Variants in STAM2 observed in about 807,000 individuals in gnomAD.
STAM2 encodes signal transducing adapter molecule 2.
In STAM2, 51 loss-of-function variants were observed where a neutral mutation model predicts 65.6. The observed-to-expected ratio is 0.78, with a 90% CI of 0.62 to 0.98. The LOEUF (loss-of-function observed/expected upper bound fraction) is 0.98, where lower values mean the gene tolerates loss of function less well. Ranked by LOEUF, STAM2 falls within the 50% of genes least tolerant of loss-of-function variation. The pLI is 0.00. For synonymous variants in STAM2, 198 were observed against 208.4 expected (o/e 0.95, Z 0.43); for missense variants, 584 against 617.8 (o/e 0.95, Z 0.58).
intron 7 of STAM2, among the ~76,000 whole-genome samples, chr2:152,140,999 C>A (rs534362706): frequency 5.7e-4 from 86 of 151,846 alleles, no homozygotes; most frequent in Admixed American, 1.0e-3. Flanking sequence ...ATTAGCCGGG[C>A]ATGGTGGTGC....
chr2:152,159,120 G>GAT (rs1560221639), intron 1 of STAM2, among the ~76,000 whole-genome samples: 1 of 81,108 alleles, frequency 1.2e-5, no homozygotes, highest in African/African-American at 6.3e-5. Context: ...TACACACACA[G>GAT]ATATATATAA....
chr2:152,117,598 T>C lies in STAM2; in HGVS notation c.*2976A>G, dbSNP rs964747064. 1 of 152,180 alleles carries C rather than the reference T, an allele frequency of 6.6e-6. No individual in the cohort carries two copies. The highest frequency in any genetic ancestry group is 1.5e-5 in the Non-Finnish European group (1 of 68,022). The allele number at this position is 152,180 out of a possible 1,614,324, so 9.4% of individuals were successfully genotyped here. A position where few individuals can be genotyped will look rare whatever the true frequency, so the allele number is the denominator to read the frequency against. The stretch of plus-strand genomic sequence containing the variant: ...TGAAAGAAGAAAAAGTACCTTCCGA[T>C]AGAAATAAAGCATTATAGATCAGTG... On this transcript the variant is annotated 3_prime_UTR_variant, in exon 14 of 14. Transcript: ENST00000263904.
At chr2:152,170,296 A>G (rs1456219000) in intron 1 of STAM2, among the ~76,000 whole-genome samples, 1 of 151,562 alleles carries the variant, frequency 6.6e-6, no homozygotes, top group Non-Finnish European at 1.5e-5. Context: ...CCTGGCCAAC[A>G]TGTGAAACCC....
chr2:152,142,888 A>T lies in STAM2; in HGVS notation c.704+939T>A, dbSNP rs1009642658. 2.6e-5 allele frequency among the ~76,000 whole-genome samples: 4 copies of T among 152,274 alleles called. No individual in the cohort carries two copies. In the South Asian group the frequency reaches 8.3e-4, roughly 32 times the overall value. ...AACTTCTTGCAAAATTTTTTATCTT[A>T]TCAAAACCAATCAAGATACACACCT... On this transcript the variant is annotated intron_variant, in intron 7 of 13. Coordinates refer to ENST00000263904, the MANE Select transcript of STAM2 (RefSeq NM_005843.6).
At chr2:152,170,733 C>G (rs560570893) in intron 1 of STAM2, among the ~76,000 whole-genome samples, 6 of 151,928 alleles carry the variant, frequency 3.9e-5, no homozygotes. Flanking sequence ...CGGTGGCTCA[C>G]GCCTGTAATC....
chr2:152,173,377 T>A (rs945011744), intron 1 of STAM2, among the ~76,000 whole-genome samples: 2 of 147,582 alleles, frequency 1.4e-5, no homozygotes, highest in African/African-American at 2.5e-5. Flanking sequence ...TATATACATA[T>A]ATATATATAT....
In STAM2 at chr2:152,162,843, G is replaced by T. The variant is rs187926392; in HGVS notation, c.41-12614C>A. Among the ~76,000 whole-genome samples the T allele has an allele frequency of 3.6e-3, 548 of 151,060 alleles. 4 individuals carry two copies. The highest frequency in any genetic ancestry group is 6.8e-3 in the Middle Eastern group (2 of 292). On this transcript the variant is annotated intron_variant, in intron 1 of 13. Coordinates refer to ENST00000263904, the MANE Select transcript of STAM2 (RefSeq NM_005843.6). ...TTTTAATTTTTGTATTTTTAGTAGA[G>T]ACAAGGTTTCACCATGTTGGTCACA...
At chr2:152,132,078 A>T (rs762611959) in intron 11 of STAM2, 36 bp downstream of exon 11, 11 of 1,527,380 alleles carry the variant, frequency 7.2e-6, no homozygotes, top group Non-Finnish European at 9.8e-6. Context: ...GAACCCCCCA[A>T]AACTATACTT....
intron 7 of STAM2, among the ~76,000 whole-genome samples, chr2:152,136,801 T>C (rs1478599042): frequency 6.6e-6 from 1 of 152,128 alleles, no homozygotes; most frequent in East Asian, 1.9e-4. Flanking sequence ...AAGGTAATGA[T>C]CATCCTAGAC....
intron 1 of STAM2, among the ~76,000 whole-genome samples, chr2:152,163,774 G>C (rs1689727636): frequency 6.6e-6 from 1 of 152,120 alleles, no homozygotes; most frequent in Non-Finnish European, 1.5e-5. Flanking sequence ...GGCCGCTCTG[G>C]GAGTGTGTGT....
At chr2:152,147,580 A>G (rs1248654118) in intron 4 of STAM2, among the ~76,000 whole-genome samples, 1 of 152,180 alleles carries the variant, frequency 6.6e-6, no homozygotes, top group Non-Finnish European at 1.5e-5. Flanking sequence ...TATTTCCTCC[A>G]TGTTTCGGAG....
intron 8 of STAM2, among the ~76,000 whole-genome samples, chr2:152,135,064 G>C (rs942488541): frequency 6.6e-6 from 1 of 152,176 alleles, no homozygotes; most frequent in Non-Finnish European, 1.5e-5. Context: ...GGTGAGGAAA[G>C]GTCTAAAATT....
chr2:152,126,874 G>C (rs1688972586), intron 11 of STAM2, among the ~76,000 whole-genome samples: 1 of 152,164 alleles, frequency 6.6e-6, no homozygotes, highest in Admixed American at 6.5e-5. Flanking sequence ...CATTTGCAAA[G>C]AAATATAACT....
At chr2:152,128,740 T>C (rs1018219847) in intron 11 of STAM2, among the ~76,000 whole-genome samples, 7 of 152,198 alleles carry the variant, frequency 4.6e-5, no homozygotes, top group African/African-American at 1.4e-4. Context: ...CTTCAACAAA[T>C]CTACCTAAAC....
chr2:152,153,829 G>C (rs1219937400), intron 1 of STAM2, among the ~76,000 whole-genome samples: 2 of 150,282 alleles, frequency 1.3e-5, no homozygotes, highest in African/African-American at 4.9e-5. Context: ...CTAATTCTAC[G>C]AATCCTTTTT....
chr2:152,137,860 TTAAA>T, intron 7 of STAM2, among the ~76,000 whole-genome samples: 1 of 152,326 alleles, frequency 6.6e-6, no homozygotes, highest in South Asian at 2.1e-4. Context: ...GCAAAATTTA[TTAAA>T]TAGTCCACCA....
intron 1 of STAM2, among the ~76,000 whole-genome samples, chr2:152,174,361 C>A (rs546882165): frequency 4.5e-4 from 69 of 152,066 alleles, no homozygotes; most frequent in Non-Finnish European, 7.6e-4. Context: ...ATGAGGCGTT[C>A]CAAAAGGAAA....
chr2:152,163,301 A>T (rs1225809322), intron 1 of STAM2, among the ~76,000 whole-genome samples: 2 of 152,234 alleles, frequency 1.3e-5, no homozygotes, highest in Non-Finnish European at 2.9e-5. Context: ...GCAATCTCTG[A>T]ACATAAATTA....
At chr2:152,171,093 G>A (rs1252777509) in intron 1 of STAM2, among the ~76,000 whole-genome samples, 4 of 152,154 alleles carry the variant, frequency 2.6e-5, no homozygotes, top group Admixed American at 2.6e-4. Flanking sequence ...TAGTATATTT[G>A]TAAGTGTAGT....
Sources: allele counts gnomAD v4.1 joint callset (sites outside exome capture counted in the v4.1 genomes callset), GRCh38; gene constraint gnomAD v4.1.1; transcripts MANE v1.5; gene names NCBI Gene and HGNC (gene_info 2026-07-23, HGNC 2026-07-21).